The following FAM184B variants were observed in gnomAD, a reference collection of about 807,000 sequenced individuals.
The protein encoded by FAM184B is family with sequence similarity 184 member B, also known as protein FAM184B.
In FAM184B, 111 loss-of-function variants were observed where a neutral mutation model predicts 135.9. The observed-to-expected ratio is 0.82, with a 90% CI of 0.70 to 0.96. The LOEUF (loss-of-function observed/expected upper bound fraction) is 0.96. FAM184B is among the 40% of genes least tolerant of loss of function. The pLI is 0.00. For synonymous variants in FAM184B, 552 were observed against 524.8 expected (o/e 1.05, Z -0.71); for missense variants, 1,375 against 1,323.9 (o/e 1.04, Z -0.60).
At chr4:17,703,131 T>C (rs1368593903) in intron 5 of FAM184B, among the ~76,000 whole-genome samples, 1 of 152,160 alleles carries the variant, frequency 6.6e-6, no homozygotes, top group Non-Finnish European at 1.5e-5. Context: ...TTCTAAAGTA[T>C]GAGGTACTTT....
chr4:17,747,452 T>C (rs1718191860), intron 1 of FAM184B, among the ~76,000 whole-genome samples: 1 of 152,162 alleles, frequency 6.6e-6, no homozygotes, highest in African/African-American at 2.4e-5. Context: ...ACTTCCGAAG[T>C]CTGGAGAAGA....
intron 1 of FAM184B, among the ~76,000 whole-genome samples, chr4:17,774,755 A>G (rs572672224): frequency 3.3e-5 from 5 of 152,212 alleles, no homozygotes; most frequent in Non-Finnish European, 5.9e-5. Flanking sequence ...AACTTTGACT[A>G]TAATCTCAAA....
chr4:17,661,248 T>C (rs1246269959), intron 8 of FAM184B, among the ~76,000 whole-genome samples: 1 of 152,122 alleles, frequency 6.6e-6, no homozygotes, highest in East Asian at 1.9e-4. Context: ...ATAGTAAGAA[T>C]TACTTAAAGA....
At chr4:17,761,895 C>T (rs1180623549) in intron 1 of FAM184B, among the ~76,000 whole-genome samples, 1 of 152,130 alleles carries the variant, frequency 6.6e-6, no homozygotes, top group African/African-American at 2.4e-5. Flanking sequence ...CAATACTCTC[C>T]CTCTCTTAAA....
intron 14 of FAM184B, among the ~76,000 whole-genome samples, chr4:17,637,067 C>G (rs1715164814): frequency 6.6e-6 from 1 of 152,074 alleles, no homozygotes; most frequent in Non-Finnish European, 1.5e-5. Flanking sequence ...CCCTCTGTCG[C>G]CCAGGCTGCA....
intron 16 of FAM184B, 108 bp from the exon 17 acceptor site, chr4:17,633,996 A>G: frequency 1.1e-6 from 1 of 887,524 alleles, no homozygotes; most frequent in Non-Finnish European, 1.6e-6. Context: ...TCGGAGAAGA[A>G]GCAACAATTT....
intron 1 of FAM184B, among the ~76,000 whole-genome samples, chr4:17,721,694 T>A (rs1028272568): frequency 3.3e-5 from 5 of 152,194 alleles, no homozygotes; most frequent in African/African-American, 9.6e-5. Flanking sequence ...AGCATCCATG[T>A]TAGCGAGTGC....
rs1396690699 is a variant in FAM184B at position 17,778,571 on chromosome 4, A to G, written c.141+2588T>C. On this transcript the variant is annotated intron_variant, in intron 1 of 17. Transcript: ENST00000265018. ...AAAACTATTTTTAAATTTAAGAAGT[A>G]AAAACAGATTGAATGCGGTGGCACA... 2.6e-5 allele frequency among the ~76,000 whole-genome samples: 4 copies of G among 152,262 alleles called. No homozygotes were observed. The South Asian group carries it at 6.2e-4, about 24-fold the overall frequency.
intron 1 of FAM184B, among the ~76,000 whole-genome samples, chr4:17,724,714 A>T (rs1211372089): frequency 6.6e-6 from 1 of 152,204 alleles, no homozygotes; most frequent in African/African-American, 2.4e-5. Context: ...TGCAGAAATG[A>T]GCTCCTGAAT....
chr4:17,728,032 C>A (rs1022493578), intron 1 of FAM184B, among the ~76,000 whole-genome samples: 1 of 152,090 alleles, frequency 6.6e-6, no homozygotes, highest in South Asian at 2.1e-4. Context: ...AATCCCAGCA[C>A]TTTCAAAGGC....
chr4:17,781,062 G>A lies in FAM184B; in HGVS notation c.141+97C>T. 7.2e-7 allele frequency: 1 copy of A among 1,394,804 alleles called. No homozygotes were observed. The highest frequency in any genetic ancestry group is 9.4e-7 in the Non-Finnish European group (1 of 1,062,150). 86.4% of individuals were successfully genotyped at this position (1,394,804 alleles called of 1,614,324 possible). A position where few individuals can be genotyped will look rare whatever the true frequency, so the allele number is the denominator to read the frequency against. On this transcript the variant is annotated intron_variant, in intron 1 of 17. Transcript: ENST00000265018. This position sits in a 1 kb window ranked among gnomAD's most constrained non-coding sequence, Gnocchi z 6.5. The stretch of plus-strand genomic sequence containing the variant: ...GGCCTCCGAGACAAAGTTTCTGTCT[G>A]GATTTGGCCCGGGCCTCCCGGGAGG...
chr4:17,756,791 G>A (rs767852276), intron 1 of FAM184B, among the ~76,000 whole-genome samples: 1 of 152,210 alleles, frequency 6.6e-6, no homozygotes, highest in East Asian at 1.9e-4. Flanking sequence ...CAGGCACGGT[G>A]GTGCACACTT....
chr4:17,696,718 C>A (rs891786508), intron 5 of FAM184B, among the ~76,000 whole-genome samples: 1 of 151,946 alleles, frequency 6.6e-6, no homozygotes, highest in Non-Finnish European at 1.5e-5. Flanking sequence ...GGGGCCGAGG[C>A]AGGAGGATCA....
chr4:17,733,470 G>T (rs1402558733), intron 1 of FAM184B, among the ~76,000 whole-genome samples: 1 of 152,170 alleles, frequency 6.6e-6, no homozygotes, highest in Non-Finnish European at 1.5e-5. Flanking sequence ...AAGCTGATAA[G>T]CAACTTCAGC....
chr4:17,758,762 A>G (rs952839542), intron 1 of FAM184B, among the ~76,000 whole-genome samples: 2 of 152,100 alleles, frequency 1.3e-5, no homozygotes, highest in Non-Finnish European at 2.9e-5. Flanking sequence ...CAACAACAAT[A>G]TGTTCCCCCT....
chr4:17,663,615 A>AACACACACAC (rs113627829), intron 8 of FAM184B, among the ~76,000 whole-genome samples: 3 of 150,434 alleles, frequency 2.0e-5, no homozygotes, highest in African/African-American at 4.9e-5. Flanking sequence ...TCCCATTCAC[A>AACACACACAC]ACACACACAC....
At position 17,684,148 on chromosome 4, in the gene FAM184B, T is replaced by A. The variant is rs1310302708; in HGVS notation, c.1596+4276A>T. Among the ~76,000 whole-genome samples, 426 of 145,264 alleles carry A rather than the reference T, an allele frequency of 2.9e-3. 2 individuals carry two copies. Among genetic ancestry groups the A allele is most frequent in the Non-Finnish European group, 5.5e-3 (362 of 66,304 alleles). ...TATAAAATAATTATATATAAAATAA[T>A]TATATAATAAAATATAATATAAAAT... On this transcript the variant is annotated intron_variant, in intron 7 of 17. Transcript: ENST00000265018.
chr4:17,664,770 C>T, intron 7 of FAM184B, 111 bp from the exon 8 acceptor site: 1 of 832,944 alleles, frequency 1.2e-6, no homozygotes. Flanking sequence ...AAGAGGGAGC[C>T]CCCAGCAACC....
intron 12 of FAM184B, among the ~76,000 whole-genome samples, chr4:17,647,100 T>A (rs961701693): frequency 3.3e-5 from 5 of 151,498 alleles, no homozygotes; most frequent in African/African-American, 1.2e-4. Flanking sequence ...GCGTCTGAAT[T>A]ATAAATAACA....
Sources: allele counts gnomAD v4.1 joint callset (sites outside exome capture counted in the v4.1 genomes callset), GRCh38; gene constraint gnomAD v4.1.1; non-coding constraint Gnocchi (gnomAD v3.1); transcripts MANE v1.5; gene names NCBI Gene and HGNC (gene_info 2026-07-23, HGNC 2026-07-21).